The following S100Z variants were observed in gnomAD, a reference collection of about 807,000 sequenced individuals.
S100Z encodes S100 calcium binding protein Z.
A neutral mutation model predicts 8.5 loss-of-function variants in S100Z; 11 were observed. The observed-to-expected ratio is 1.30, with a 90% CI of 0.82 to 2.15. The LOEUF is 2.15. Among genes scored for constraint, S100Z ranks in the 30% most tolerant of loss-of-function variants. The probability of loss-of-function intolerance (pLI) is 0.00; values close to 1 mark genes in which losing one functional copy is unlikely to be tolerated. For missense variants in S100Z, 126 were observed against 117.9 expected (o/e 1.07, Z -0.32); for synonymous variants, 34 against 43.8 (o/e 0.78, Z 0.89).
At chr5:76,880,280 A>G (rs1013988020) in intron 4 of S100Z, among the ~76,000 whole-genome samples, 3 of 152,236 alleles carry the variant, frequency 2.0e-5, no homozygotes, top group African/African-American at 7.2e-5. Flanking sequence ...CTGGATGTAT[A>G]TGTGCAGGTC....
chr5:76,888,876 T>G (rs528993296), intron 4 of S100Z, among the ~76,000 whole-genome samples: 4 of 152,318 alleles, frequency 2.6e-5, no homozygotes, highest in African/African-American at 7.2e-5. Flanking sequence ...TGCCAGCTGT[T>G]AGAAACTTGG....
chr5:76,919,158 G>T (rs1740859471), intron 4 of S100Z, among the ~76,000 whole-genome samples: 1 of 152,180 alleles, frequency 6.6e-6, no homozygotes, highest in African/African-American at 2.4e-5. Flanking sequence ...ACAGTCATGT[G>T]CAGGTTTTAT....
intron 2 of S100Z, 60 bp from the exon 3 acceptor site, chr5:76,875,244 T>G: frequency 1.1e-6 from 1 of 909,888 alleles, no homozygotes; most frequent in Non-Finnish European, 1.6e-6. Context: ...ACTCGGGGGA[T>G]TGTAATATTC....
At chr5:76,892,883 G>A (rs1743913254) in intron 4 of S100Z, among the ~76,000 whole-genome samples, 1 of 152,128 alleles carries the variant, frequency 6.6e-6, no homozygotes, top group Non-Finnish European at 1.5e-5. Flanking sequence ...TGAGTGGAGG[G>A]ATGACTCTCC....
intron 4 of S100Z, among the ~76,000 whole-genome samples, chr5:76,899,032 T>A (rs967926194): frequency 1.3e-5 from 2 of 149,182 alleles, no homozygotes; most frequent in Non-Finnish European, 3.0e-5. Context: ...ACCTCCCAGG[T>A]TCAAGTGTTT....
At chr5:76,919,554 T>TC (rs1744969546) in intron 4 of S100Z, among the ~76,000 whole-genome samples, 1 of 118,748 alleles carries the variant, frequency 8.4e-6, no homozygotes, top group African/African-American at 3.2e-5. Context: ...CTCCCTCCCT[T>TC]CCTTCCTTCC....
intron 4 of S100Z, among the ~76,000 whole-genome samples, chr5:76,882,185 T>A (rs1743423471): frequency 6.6e-6 from 1 of 152,146 alleles, no homozygotes; most frequent in Admixed American, 6.5e-5. Flanking sequence ...TTATGAGAAC[T>A]ATAGAGAGTG....
chr5:76,857,185 G>A (rs113788426), intron 1 of S100Z, among the ~76,000 whole-genome samples: 19,741 of 151,926 alleles, frequency 0.13, 2,844 homozygotes, highest in African/African-American at 0.36. Context: ...CCAGCTAGTC[G>A]GGAGGCTGAG....
intron 4 of S100Z, among the ~76,000 whole-genome samples, chr5:76,917,875 C>A (rs1375462196): frequency 6.7e-6 from 1 of 150,114 alleles, no homozygotes; most frequent in South Asian, 2.1e-4. Context: ...TGGTATTGAA[C>A]CTCAATGCCC....
chr5:76,900,417 GT>G (rs1370151689), intron 4 of S100Z, among the ~76,000 whole-genome samples: 15 of 151,892 alleles, frequency 9.9e-5, no homozygotes, highest in Non-Finnish European at 2.9e-5. Flanking sequence ...TTACTTCATT[GT>G]TTTTTATTCT....
rs577604376 is a variant in S100Z at position 76,894,890 on chromosome 5, A to T, written c.*2+17056A>T. The stretch of plus-strand genomic sequence containing the variant: ...AGGTGTGAGCCACCGCGCCCACCCT[A>T]AATTTTTTCTTTATATTTTAAATTT... On this transcript the variant is annotated intron_variant, in intron 4 of 4. Transcript: ENST00000317593. Among the ~76,000 whole-genome samples the T allele has an allele frequency of 3.3e-5, 5 of 152,184 alleles. No individual in the cohort carries two copies. The East Asian group carries it at 9.7e-4, about 29-fold the overall frequency.
the S100Z span, among the ~76,000 whole-genome samples, chr5:76,930,943 C>G: frequency 3.9e-5 from 6 of 152,080 alleles, no homozygotes; most frequent in Non-Finnish European, 7.4e-5. Flanking sequence ...TAAATCAATT[C>G]GAGAGCAGCC....
At chr5:76,885,966 T>G (rs1168746368) in intron 4 of S100Z, among the ~76,000 whole-genome samples, 13 of 55,756 alleles carry the variant, frequency 2.3e-4, no homozygotes, top group African/African-American at 3.8e-4. Flanking sequence ...AGTAGAGAAA[T>G]GGAGAGAAGG....
In S100Z at chr5:76,878,500, A is replaced by C. The variant is rs188089849; in HGVS notation, c.*2+666A>C. Among the ~76,000 whole-genome samples, 111 of 152,262 alleles carry C rather than the reference A, an allele frequency of 7.3e-4. 1 individual carries two copies. The South Asian group carries it at 0.015, about 20-fold the overall frequency. On this transcript the variant is annotated intron_variant, in intron 4 of 4. Transcript: ENST00000317593. ...GCTGAGCCTCGGTAGGCCCCAAGGGAGGCCACCTTTTCTTCCTTATCTCAC... is the reference window on the plus strand; with the variant it reads ...GCTGAGCCTCGGTAGGCCCCAAGGGCGGCCACCTTTTCTTCCTTATCTCAC...
chr5:76,885,237 T>C (rs1355712619), intron 4 of S100Z, among the ~76,000 whole-genome samples: 2 of 152,022 alleles, frequency 1.3e-5, no homozygotes. Context: ...TTGCCCATAG[T>C]GAAGGAGGCA....
chr5:76,856,652 TA>T (rs1750890034), intron 1 of S100Z, among the ~76,000 whole-genome samples: 1 of 152,204 alleles, frequency 6.6e-6, no homozygotes, highest in African/African-American at 2.4e-5. Context: ...ACAAACAATT[TA>T]ATTTTTTCGG....
At chr5:76,868,244 G>A (rs938353640) in intron 1 of S100Z, among the ~76,000 whole-genome samples, 1 of 152,150 alleles carries the variant, frequency 6.6e-6, no homozygotes, top group African/African-American at 2.4e-5. Context: ...AGTGCATTCT[G>A]GGAATTAGAG....
At chr5:76,910,209 A>T (rs1229691538) in intron 4 of S100Z, among the ~76,000 whole-genome samples, 1 of 152,216 alleles carries the variant, frequency 6.6e-6, no homozygotes, top group Non-Finnish European at 1.5e-5. Flanking sequence ...GCCTTAAGAA[A>T]ATATACTCCC....
chr5:76,898,457 G>A (rs573535234), intron 4 of S100Z, among the ~76,000 whole-genome samples: 6 of 152,038 alleles, frequency 3.9e-5, no homozygotes, highest in East Asian at 1.9e-4. Context: ...CAGCCACTGC[G>A]CCAAGCCAAG....
Sources: allele counts gnomAD v4.1 joint callset (sites outside exome capture counted in the v4.1 genomes callset), GRCh38; gene constraint gnomAD v4.1.1; transcripts MANE v1.5; gene names NCBI Gene and HGNC (gene_info 2026-07-23, HGNC 2026-07-21).